Variants in MTHFD1 observed in about 807,000 individuals in gnomAD.
MTHFD1 encodes the protein methylenetetrahydrofolate dehydrogenase, cyclohydrolase and formyltetrahydrofolate synthetase 1.
In MTHFD1, 44 loss-of-function variants were observed where a neutral mutation model predicts 110.3. The ratio of observed to expected loss-of-function variants is 0.40; its 90% CI spans 0.31 to 0.51. The LOEUF (loss-of-function observed/expected upper bound fraction) is 0.51. Among genes scored for constraint, MTHFD1 ranks in the 20% least tolerant of loss-of-function variants. The pLI is 0.60. For missense variants in MTHFD1, 909 were observed against 1,173.1 expected, an observed-to-expected ratio of 0.77 and a Z score of 3.29; for synonymous variants, 402 against 428.8, an observed-to-expected ratio of 0.94 and a Z score of 0.77.
intron 23 of MTHFD1, 153 bp downstream of exon 23, chr14:64,448,470 C>T: frequency 2.9e-6 from 2 of 694,268 alleles, no homozygotes; most frequent in Admixed American, 4.2e-5. Context: ...TTGCATACGT[C>T]ACTGCGGGCT....
chr14:64,400,219 C>A (rs186890303), intron 1 of MTHFD1, among the ~76,000 whole-genome samples: 1 of 151,518 alleles, frequency 6.6e-6, no homozygotes, highest in Non-Finnish European at 1.5e-5. Context: ...AGAATCTCCA[C>A]GTTTACTAGA....
Position 64,417,826 on chromosome 14 carries a change from T to C in MTHFD1, c.479-62T>C. ...GTGCACTTATTCTAATTTCTCCACG[T>C]GGCATGCGAAGGAGGGCAGCTTCTA... On this transcript the variant is annotated intron_variant, in intron 6 of 27. Coordinates refer to ENST00000652337, the MANE Select transcript of MTHFD1 (RefSeq NM_005956.4). This position sits in a 1 kb window ranked among gnomAD's most constrained non-coding sequence, Gnocchi z 4.4. The C allele has an allele frequency of 6.2e-7, 1 of 1,605,696 alleles. No individual in the cohort carries two copies. Among genetic ancestry groups the C allele is most frequent in the African/African-American group, 1.3e-5 (1 of 74,872 alleles).
intron 1 of MTHFD1, among the ~76,000 whole-genome samples, chr14:64,394,709 A>T (rs2077833618): frequency 6.6e-6 from 1 of 152,168 alleles, no homozygotes; most frequent in Admixed American, 6.5e-5. Context: ...TAACATTATA[A>T]GTGATCTTTG....
At chr14:64,404,706 C>T (rs1217869458) in intron 2 of MTHFD1, among the ~76,000 whole-genome samples, 4 of 152,192 alleles carry the variant, frequency 2.6e-5, no homozygotes, top group Non-Finnish European at 4.4e-5. Context: ...TGCGGTGGCT[C>T]ATGCCTATAA....
intron 10 of MTHFD1, 36 bp from the exon 11 acceptor site, chr14:64,425,983 G>A (rs770329125): frequency 6.2e-7 from 1 of 1,612,334 alleles, no homozygotes; most frequent in Non-Finnish European, 8.5e-7. Flanking sequence ...AAACTCAGTG[G>A]ATAAACATTA....
chr14:64,391,797 TG>T (rs1269819077), intron 1 of MTHFD1, among the ~76,000 whole-genome samples: 1 of 152,212 alleles, frequency 6.6e-6, no homozygotes, highest in African/African-American at 2.4e-5. Context: ...CTGTTCTTTG[TG>T]GGTATTTATT....
intron 1 of MTHFD1, among the ~76,000 whole-genome samples, chr14:64,394,799 G>A (rs191176797): frequency 2.0e-5 from 3 of 152,266 alleles, no homozygotes; most frequent in African/African-American, 7.2e-5. Context: ...GTTTTGTTCA[G>A]TCTTTTTGAA....
chr14:64,414,030 T>G (rs2078005691), intron 4 of MTHFD1, among the ~76,000 whole-genome samples: 1 of 152,116 alleles, frequency 6.6e-6, no homozygotes, highest in Admixed American at 6.6e-5. Flanking sequence ...GTTTTACTCT[T>G]GTCGCCCAGG....
chr14:64,417,521 G>T lies in MTHFD1; in HGVS notation c.479-367G>T, dbSNP rs537723805. Among the ~76,000 whole-genome samples the T allele has an allele frequency of 6.6e-6, 1 of 152,164 alleles. No individual in the cohort carries two copies. The highest frequency in any genetic ancestry group is 1.5e-5 in the Non-Finnish European group (1 of 68,016). On this transcript the variant is annotated intron_variant, in intron 6 of 27. Transcript: ENST00000652337. This position sits in a 1 kb window ranked among gnomAD's most constrained non-coding sequence, Gnocchi z 4.4. The stretch of plus-strand genomic sequence containing the variant: ...CCAGCCTGTTACATACACCCTATTT[G>T]TTTTAACTTTTTTTCCCCATGTAAT...
intron 1 of MTHFD1, among the ~76,000 whole-genome samples, chr14:64,391,268 G>A (rs1192806129): frequency 1.3e-5 from 2 of 152,056 alleles, no homozygotes; most frequent in Non-Finnish European, 1.5e-5. Context: ...GGGTTCAAAC[G>A]ATTCTCCTGC....
chr14:64,428,562 T>A (rs1299339140), intron 12 of MTHFD1, among the ~76,000 whole-genome samples: 1 of 151,436 alleles, frequency 6.6e-6, no homozygotes, highest in South Asian at 2.1e-4. Context: ...CACCTTTTTT[T>A]TTTTTTTTGG....
intron 1 of MTHFD1, chr14:64,390,208 C>T (rs887377999): frequency 3.3e-5 from 5 of 152,102 alleles, no homozygotes; most frequent in Non-Finnish European, 7.4e-5. Flanking sequence ...TAAATGGGTT[C>T]CTAACAGATG....
chr14:64,447,451 G>GC (rs1474469411), intron 22 of MTHFD1, among the ~76,000 whole-genome samples: 1 of 142,260 alleles, frequency 7.0e-6, no homozygotes, highest in African/African-American at 2.8e-5. Flanking sequence ...ACCAGGTCCG[G>GC]CCCTTTTTTT....
At chr14:64,454,600 G>A in intron 25 of MTHFD1, 123 bp from the exon 26 acceptor site, 1 of 758,530 alleles carries the variant, frequency 1.3e-6, no homozygotes, top group Middle Eastern at 3.6e-4. Flanking sequence ...AGATAGAGAT[G>A]TATATAAAGG....
chr14:64,401,425 C>T (rs1035106409), intron 2 of MTHFD1, among the ~76,000 whole-genome samples: 5 of 152,074 alleles, frequency 3.3e-5, no homozygotes, highest in Non-Finnish European at 7.3e-5. Context: ...AAGTTTTGGC[C>T]GGACACGGTG....
chr14:64,450,198 G>C (rs1430566684), intron 24 of MTHFD1, among the ~76,000 whole-genome samples: 1 of 152,170 alleles, frequency 6.6e-6, no homozygotes, highest in Non-Finnish European at 1.5e-5. Context: ...CTTCGAAAAG[G>C]GTCAAAGTAC....
chr14:64,389,689 C>T (rs1413066417), intron 1 of MTHFD1, among the ~76,000 whole-genome samples: 1 of 150,004 alleles, frequency 6.7e-6, no homozygotes, highest in Non-Finnish European at 1.5e-5. Flanking sequence ...GCCTGGGCAA[C>T]AAGAGCGAAA....
At chr14:64,451,728 C>A (rs2078375466) in intron 24 of MTHFD1, among the ~76,000 whole-genome samples, 1 of 152,220 alleles carries the variant, frequency 6.6e-6, no homozygotes, top group Non-Finnish European at 1.5e-5. Context: ...TTCTGGCAAA[C>A]AGGAGGCTGC....
chr14:64,423,082 C>T (rs1410516089), intron 8 of MTHFD1: 1 of 152,102 alleles, frequency 6.6e-6, no homozygotes, highest in African/African-American at 2.4e-5. Flanking sequence ...GTACAGAGGG[C>T]AAACCTCTAT....
Sources: allele counts gnomAD v4.1 joint callset (sites outside exome capture counted in the v4.1 genomes callset), GRCh38; gene constraint gnomAD v4.1.1; non-coding constraint Gnocchi (gnomAD v3.1); transcripts MANE v1.5; gene names NCBI Gene and HGNC (gene_info 2026-07-23, HGNC 2026-07-21).